The following NAP1L4 variants were observed in gnomAD, a reference collection of about 807,000 sequenced individuals.
NAP1L4 encodes nucleosome assembly protein 1-like 4.
A neutral mutation model predicts 58.2 loss-of-function variants in NAP1L4; 15 were observed. That is an observed-to-expected ratio of 0.26 (90% confidence interval 0.17 to 0.40). NAP1L4 has a LOEUF of 0.40. Ranked by LOEUF, NAP1L4 falls within the 10% of genes least tolerant of loss-of-function variation. The pLI is 1.00. For synonymous variants in NAP1L4, 171 were observed against 155.6 expected (o/e 1.10, Z -0.74); for missense variants, 384 against 451.1 (o/e 0.85, Z 1.35).
At chr11:2,950,323 C>T (rs1215911230) in intron 14 of NAP1L4, among the ~76,000 whole-genome samples, 4 of 152,238 alleles carry the variant, frequency 2.6e-5, no homozygotes, top group Admixed American at 6.5e-5. Flanking sequence ...GCTCTTCTCC[C>T]ATCCCTTCCT....
At chr11:2,979,271 C>T in intron 1 of NAP1L4, 34 bp from the exon 2 acceptor site, 1 of 1,547,880 alleles carries the variant, frequency 6.5e-7, no homozygotes, top group South Asian at 1.2e-5. Flanking sequence ...TAATTATATT[C>T]ATAAGCAAAA....
At chr11:2,964,123 C>T (rs570605086) in intron 8 of NAP1L4, among the ~76,000 whole-genome samples, 10 of 151,966 alleles carry the variant, frequency 6.6e-5, no homozygotes, top group East Asian at 5.8e-4. Context: ...GTCTTATTTG[C>T]GCTTTTTTTT....
rs766752086 is a variant in NAP1L4 at position 2,945,263 on chromosome 11, T to G, written c.*416A>C. On this transcript the variant is annotated 3_prime_UTR_variant, in exon 16 of 16. Transcript: ENST00000380542. The stretch of plus-strand genomic sequence containing the variant: ...GAGGTTCCAGATCCTGGGAACCACA[T>G]CACCAGACCTCGGCCCTTTTTGCCA... 6 of 237,652 alleles carry G rather than the reference T, an allele frequency of 2.5e-5. No homozygotes were observed. Among genetic ancestry groups the G allele is most frequent in the African/African-American group, 4.5e-5 (2 of 44,632 alleles). The allele number at this position is 237,652 out of a possible 1,614,324, so 14.7% of individuals were successfully genotyped here.
rs577414596 is a variant in NAP1L4, at chr11:2,973,061, C to T, written c.174-818G>A. Among the ~76,000 whole-genome samples, 180 of 152,272 alleles carry T rather than the reference C, an allele frequency of 1.2e-3. 2 individuals carry two copies. The highest frequency in any genetic ancestry group is 2.2e-3 in the Non-Finnish European group (151 of 68,018). On this transcript the variant is annotated intron_variant, in intron 4 of 15. Coordinates refer to ENST00000380542, the MANE Select transcript of NAP1L4 (RefSeq NM_005969.4). ...TGTACAAGTGAAAAACTGGACAATG[C>T]AAGTGCAACAGCATTCAAATATGGC...
chr11:2,953,420 T>A (rs1846348906), intron 12 of NAP1L4, among the ~76,000 whole-genome samples: 2 of 152,258 alleles, frequency 1.3e-5, no homozygotes, highest in African/African-American at 4.8e-5. Context: ...TTCTTCAGTC[T>A]CAGCAGCCAT....
chr11:2,972,365 C>A, intron 4 of NAP1L4, 122 bp from the exon 5 acceptor site: 1 of 797,150 alleles, frequency 1.3e-6, no homozygotes. Flanking sequence ...TGAACAAGAC[C>A]TCTTAAAAAT....
At chr11:2,972,369 T>C (rs1847689290) in intron 4 of NAP1L4, 126 bp from the exon 5 acceptor site, 5 of 748,442 alleles carry the variant, frequency 6.7e-6, no homozygotes, top group Admixed American at 8.2e-5. Context: ...CAAGACCTCT[T>C]AAAAATTAAG....
intron 7 of NAP1L4, among the ~76,000 whole-genome samples, chr11:2,967,022 T>C (rs1847321583): frequency 6.6e-6 from 1 of 152,170 alleles, no homozygotes; most frequent in Non-Finnish European, 1.5e-5. Flanking sequence ...ATCTCAAATT[T>C]TCCACTCTCC....
Position 2,958,185 on chromosome 11 carries a change from T to C in NAP1L4, c.892+214A>G, listed in dbSNP as rs1055836138. ...AAGCTCTTCCCTTTCCTGCAGAAGATGACAATCCTACTCTTACTGTCCTAG... is the reference window on the plus strand; with the variant it reads ...AAGCTCTTCCCTTTCCTGCAGAAGACGACAATCCTACTCTTACTGTCCTAG... On this transcript the variant is annotated intron_variant, in intron 10 of 15. Coordinates refer to ENST00000380542, the MANE Select transcript of NAP1L4 (RefSeq NM_005969.4). 4.3e-6 allele frequency: 3 copies of C among 694,114 alleles called. No homozygotes were observed. The African/African-American group carries it at 5.3e-5, about 12-fold the overall frequency. The allele number at this position is 694,114 out of a possible 1,614,324, so 43.0% of individuals were successfully genotyped here. A position where few individuals can be genotyped will look rare whatever the true frequency, so the allele number is the denominator to read the frequency against.
At chr11:2,982,914 G>C (rs2134011024) in intron 1 of NAP1L4, among the ~76,000 whole-genome samples, 1 of 152,272 alleles carries the variant, frequency 6.6e-6, no homozygotes, top group African/African-American at 2.4e-5. Context: ...CCAGCAACTG[G>C]GAGGCTGAAG....
At chr11:2,957,076 T>TA (rs776280292) in intron 10 of NAP1L4, among the ~76,000 whole-genome samples, 3,368 of 145,014 alleles carry the variant, frequency 0.023, 118 homozygotes, top group African/African-American at 0.079. Flanking sequence ...TTTTAGAATC[T>TA]AAAAAAAAAA....
chr11:2,979,515 G>A (rs927609879), intron 1 of NAP1L4, among the ~76,000 whole-genome samples: 6 of 152,152 alleles, frequency 3.9e-5, no homozygotes, highest in Non-Finnish European at 5.9e-5. Flanking sequence ...GTTCACGCCT[G>A]TAATCCAAGC....
At chr11:2,957,501 C>T (rs7930353) in intron 10 of NAP1L4, among the ~76,000 whole-genome samples, 15,808 of 152,280 alleles carry the variant, frequency 0.1, 959 homozygotes, top group African/African-American at 0.15. Flanking sequence ...CACATACAAA[C>T]AAACACTCAC....
At chr11:2,958,638 C>T in intron 9 of NAP1L4, 94 bp from the exon 10 acceptor site, 1 of 1,324,500 alleles carries the variant, frequency 7.6e-7, no homozygotes. Flanking sequence ...CTATGCCAAA[C>T]CTGGAAAACG....
At chr11:2,978,111 T>C (rs1156703505) in intron 3 of NAP1L4, among the ~76,000 whole-genome samples, 173 bp downstream of exon 3, 2 of 152,224 alleles carry the variant, frequency 1.3e-5, no homozygotes, top group African/African-American at 4.8e-5. Flanking sequence ...AGAGTCTGAA[T>C]TCCTATAATA....
chr11:2,947,388 A>T (rs541884895), intron 15 of NAP1L4, among the ~76,000 whole-genome samples: 1 of 152,342 alleles, frequency 6.6e-6, no homozygotes, highest in East Asian at 1.9e-4. Context: ...GTCATGACCC[A>T]GTGCCTTGCT....
chr11:2,974,619 G>C (rs1847841555), intron 4 of NAP1L4, among the ~76,000 whole-genome samples: 1 of 152,222 alleles, frequency 6.6e-6, no homozygotes, highest in Non-Finnish European at 1.5e-5. Context: ...TTCTAGGCCA[G>C]GCGCAGTGGC....
chr11:2,948,490 G>A lies in NAP1L4; in HGVS notation c.*32+737C>T, dbSNP rs16928846. 0.013 allele frequency among the ~76,000 whole-genome samples: 1,908 copies of A among 152,248 alleles called. 33 individuals carry two copies. Among genetic ancestry groups the A allele is most frequent in the African/African-American group, 0.043 (1,797 of 41,524 alleles). On this transcript the variant is annotated intron_variant, in intron 15 of 15. Transcript: ENST00000380542. This position sits in a 1 kb window ranked among gnomAD's most constrained non-coding sequence, Gnocchi z 5.1. The stretch of plus-strand genomic sequence containing the variant: ...GCCACGAGTGAACAGGTCTCGTCAC[G>A]GGCAAGAGCCTCTGTCTACTTACGG...
In NAP1L4 at chr11:2,972,001, G is replaced by A. The variant is rs1048382348; in HGVS notation, c.315+101C>T. On this transcript the variant is annotated intron_variant, in intron 5 of 15. Transcript: ENST00000380542. ...AAGCTATGTTTGGCAGGTTAGATGC[G>A]TTCTTACCCTAGATGTTGTCAACTT... 26 of 1,252,960 alleles carry A rather than the reference G, an allele frequency of 2.1e-5. No individual in the cohort carries two copies. In the South Asian group the frequency reaches 3.1e-4, roughly 15 times the overall value. The allele number at this position is 1,252,960 out of a possible 1,614,324, so 77.6% of individuals were successfully genotyped here. A position where few individuals can be genotyped will look rare whatever the true frequency, so the allele number is the denominator to read the frequency against.
Sources: gnomAD v4.1 joint callset for allele counts (sites outside exome capture counted in the v4.1 genomes callset) on GRCh38, gnomAD v4.1.1 for gene constraint, Gnocchi (gnomAD v3.1) non-coding constraint, MANE v1.5 for transcripts, NCBI Gene and HGNC (gene_info 2026-07-23, HGNC 2026-07-21) for gene names.